Variants in PI4KA observed in about 807,000 individuals in gnomAD.
PI4KA encodes phosphatidylinositol 4-kinase alpha.
PI4KA carries 122 observed loss-of-function variants against 271.4 expected under a neutral mutation model. That is an observed-to-expected ratio of 0.45 (90% CI 0.39 to 0.52). The LOEUF is 0.52. PI4KA is among the 20% of genes least tolerant of loss of function. The pLI, the probability that PI4KA is intolerant of heterozygous loss-of-function variation, is 0.00. For missense variants in PI4KA, 1,969 were observed against 2,769.1 expected, an observed-to-expected ratio of 0.71 and a Z score of 6.48; for synonymous variants, 1,041 against 1,078.8, an observed-to-expected ratio of 0.96 and a Z score of 0.69.
chr22:20,858,790 G>A lies in PI4KA; in HGVS notation c.-65C>T. ...CCTGGCCCGCGAGCGCCCGACCTCA[G>A]GGCGCAGGCGTAGGTGCATCCGGCT... On this transcript the variant is annotated 5_prime_UTR_variant, in exon 1 of 55. Transcript: ENST00000255882. 7.3e-7 allele frequency: 1 copy of A among 1,367,048 alleles called. No homozygotes were observed. Among genetic ancestry groups the A allele is most frequent in the South Asian group, 1.5e-5 (1 of 64,798 alleles). 84.7% of individuals were successfully genotyped at this position (1,367,048 alleles called of 1,614,324 possible). A position where few individuals can be genotyped will look rare whatever the true frequency, so the allele number is the denominator to read the frequency against.
chr22:20,823,686 C>T (rs1923000524), intron 4 of PI4KA, among the ~76,000 whole-genome samples: 1 of 152,140 alleles, frequency 6.6e-6, no homozygotes, highest in African/African-American at 2.4e-5. Flanking sequence ...CACCTATAAT[C>T]CCAGCACTCT....
intron 29 of PI4KA, among the ~76,000 whole-genome samples, chr22:20,745,012 G>T (rs911712042): frequency 6.6e-6 from 1 of 152,162 alleles, no homozygotes; most frequent in African/African-American, 2.4e-5. Flanking sequence ...TGTCACCTGT[G>T]ATGGAAACGC....
intron 1 of PI4KA, among the ~76,000 whole-genome samples, chr22:20,840,021 C>T (rs1925357940): frequency 1.3e-5 from 2 of 152,184 alleles, no homozygotes; most frequent in South Asian, 4.1e-4. Flanking sequence ...CTGGCCCTAT[C>T]AAAGCCTATG....
intron 23 of PI4KA, among the ~76,000 whole-genome samples, chr22:20,756,321 A>G (rs1415878001): frequency 6.6e-6 from 1 of 150,924 alleles, no homozygotes; most frequent in Non-Finnish European, 1.5e-5. Context: ...CCCAGATTCA[A>G]GCAATTCTCC....
intron 36 of PI4KA, among the ~76,000 whole-genome samples, chr22:20,730,664 G>C (rs577623587): frequency 1.3e-5 from 2 of 151,994 alleles, no homozygotes; most frequent in Non-Finnish European, 2.9e-5. Context: ...TCTGCCTCCC[G>C]GGTTTAAGCA....
intron 29 of PI4KA, among the ~76,000 whole-genome samples, chr22:20,745,963 C>A (rs533424912): frequency 6.7e-6 from 1 of 149,112 alleles, no homozygotes; most frequent in East Asian, 2.0e-4. Flanking sequence ...CTCAGCCTCC[C>A]GAGTAGCTGG....
chr22:20,822,318 A>C (rs1569073878), intron 4 of PI4KA, among the ~76,000 whole-genome samples: 1 of 152,194 alleles, frequency 6.6e-6, no homozygotes, highest in Non-Finnish European at 1.5e-5. Flanking sequence ...GAATGTTGGG[A>C]TTACAGGCGT....
At chr22:20,742,143 G>T in intron 32 of PI4KA, 85 bp downstream of exon 32, 1 of 1,433,808 alleles carries the variant, frequency 7.0e-7, no homozygotes, top group Non-Finnish European at 9.6e-7. Context: ...GTGTCTCCAT[G>T]CTTGGTGGTG....
At chr22:20,826,478 T>C (rs986552682) in intron 3 of PI4KA, among the ~76,000 whole-genome samples, 1 of 152,356 alleles carries the variant, frequency 6.6e-6, no homozygotes, top group Non-Finnish European at 1.5e-5. Flanking sequence ...TGATTCCTTA[T>C]CTTTGTTATT....
chr22:20,780,222 T>C, intron 19 of PI4KA: 2 of 1,614,170 alleles, frequency 1.2e-6, no homozygotes, highest in Non-Finnish European at 8.5e-7. Context: ...CCTTTACAGT[T>C]CTCACAGCAA....
intron 40 of PI4KA, 42 bp from the exon 41 acceptor site, chr22:20,727,439 G>A (rs774261634): frequency 1.2e-5 from 18 of 1,533,874 alleles, no homozygotes; most frequent in African/African-American, 2.8e-5. Flanking sequence ...GGGCAGTCCC[G>A]GGACCTCTGG....
chr22:20,858,385 T>C (rs1418311089), intron 1 of PI4KA, among the ~76,000 whole-genome samples, 185 bp downstream of exon 1: 18 of 121,858 alleles, frequency 1.5e-4, no homozygotes, highest in South Asian at 1.3e-3. Flanking sequence ...ACGGTCCCTC[T>C]CTCTTCACCA....
intron 45 of PI4KA, among the ~76,000 whole-genome samples, chr22:20,715,918 T>C (rs547618499): frequency 1.3e-5 from 2 of 152,258 alleles, no homozygotes; most frequent in South Asian, 4.1e-4. Context: ...TGAGATAGAG[T>C]CTCACTCTGT....
chr22:20,739,729 A>C (rs1929185854), intron 32 of PI4KA, among the ~76,000 whole-genome samples: 1 of 152,192 alleles, frequency 6.6e-6, no homozygotes, highest in Admixed American at 6.5e-5. Context: ...GAATGCATGA[A>C]GGTAAGAGAA....
intron 1 of PI4KA, among the ~76,000 whole-genome samples, chr22:20,856,367 A>G (rs1244163730): frequency 1.3e-5 from 2 of 152,148 alleles, no homozygotes; most frequent in Non-Finnish European, 2.9e-5. Flanking sequence ...AGTACTTCCT[A>G]AAGTAAGTGG....
At chr22:20,708,181 C>T (rs553800404) in intron 54 of PI4KA, 83 bp from the exon 55 acceptor site, 82 of 1,048,182 alleles carry the variant, frequency 7.8e-5, no homozygotes, top group Admixed American at 4.7e-4. Context: ...CCTACCTGTC[C>T]AATCAGCCCC....
intron 30 of PI4KA, among the ~76,000 whole-genome samples, chr22:20,744,005 G>C (rs1929770788): frequency 1.3e-5 from 2 of 152,220 alleles, no homozygotes; most frequent in South Asian, 4.1e-4. Context: ...AGTGAGCCAA[G>C]ATTGTGCCAC....
intron 19 of PI4KA, chr22:20,780,247 A>AT (rs781639551): frequency 7.4e-6 from 12 of 1,613,434 alleles, no homozygotes; most frequent in Non-Finnish European, 1.0e-5. Flanking sequence ...ACAACATACT[A>AT]TTTTTGTATG....
chr22:20,819,383 C>CT (rs201500353), intron 6 of PI4KA, among the ~76,000 whole-genome samples: 5,526 of 147,408 alleles, frequency 0.037, 108 homozygotes, highest in Middle Eastern at 0.062. Context: ...GGCGATAAGG[C>CT]TTTTTTTTTA....
Sources: gnomAD v4.1 joint callset for allele counts (sites outside exome capture counted in the v4.1 genomes callset) on GRCh38, gnomAD v4.1.1 for gene constraint, MANE v1.5 for transcripts, NCBI Gene and HGNC (gene_info 2026-07-23, HGNC 2026-07-21) for gene names.